Variants in BTBD9 observed in about 807,000 individuals in gnomAD.
The protein encoded by BTBD9 is BTB/POZ domain-containing protein 9.
In BTBD9, 49 loss-of-function variants were observed where a neutral mutation model predicts 64.3. The observed-to-expected ratio is 0.76, with a 90% CI of 0.61 to 0.97. The LOEUF is 0.97. Ranked by LOEUF, BTBD9 falls within the 50% of genes least tolerant of loss-of-function variation. The probability of loss-of-function intolerance (pLI) is 0.00; values close to 1 mark genes in which losing one functional copy is unlikely to be tolerated. For synonymous variants in BTBD9, 260 were observed against 274.7 expected (o/e 0.95, Z 0.53); for missense variants, 598 against 762.1 (o/e 0.78, Z 2.53).
At chr6:38,566,199 T>C (rs1775507486) in intron 6 of BTBD9, 1 of 152,228 alleles carries the variant, frequency 6.6e-6, no homozygotes, top group South Asian at 2.1e-4. Context: ...CATGTTTGTG[T>C]ATGATTACAC....
intron 6 of BTBD9, among the ~76,000 whole-genome samples, chr6:38,551,246 G>C (rs189712034): frequency 6.6e-6 from 1 of 152,302 alleles, no homozygotes; most frequent in East Asian, 1.9e-4. Flanking sequence ...TATTCAGACT[G>C]GTCTGGGAAT....
At chr6:38,374,282 A>ATATATATATATATATGT (rs1562095014) in intron 6 of BTBD9, among the ~76,000 whole-genome samples, 2 of 34,550 alleles carry the variant, frequency 5.8e-5, no homozygotes, top group East Asian at 5.1e-3. Flanking sequence ...AAAAAAAAAA[A>ATATATATATATATATGT]GTATATATAT....
At chr6:38,273,159 G>A (rs529264102) in intron 8 of BTBD9, among the ~76,000 whole-genome samples, 2 of 152,302 alleles carry the variant, frequency 1.3e-5, no homozygotes, top group African/African-American at 4.8e-5. Context: ...CAAGCCAGGA[G>A]GCCTTCTCTG....
intron 6 of BTBD9, among the ~76,000 whole-genome samples, chr6:38,533,359 T>G (rs1263976192): frequency 6.6e-6 from 1 of 152,080 alleles, no homozygotes; most frequent in Non-Finnish European, 1.5e-5. Flanking sequence ...AGTAAGAGGG[T>G]ATAACAATTA....
Position 38,520,158 on chromosome 6 carries a change from T to C in BTBD9, c.1154+57442A>G, listed in dbSNP as rs1773216134. 3.3e-5 allele frequency among the ~76,000 whole-genome samples: 5 copies of C among 150,510 alleles called. No homozygotes were observed. The South Asian group carries it at 1.1e-3, about 32-fold the overall frequency. ...ACAGAAAAAAAAAATCACATGAAAA[T>C]ACACAAAATTGTCGGCCAGGCACAG... On this transcript the variant is annotated intron_variant, in intron 6 of 10. Coordinates refer to ENST00000481247, the MANE Select transcript of BTBD9 (RefSeq NM_001099272.2).
intron 6 of BTBD9, among the ~76,000 whole-genome samples, chr6:38,346,951 C>A (rs969800266): frequency 1.3e-5 from 2 of 152,160 alleles, no homozygotes; most frequent in African/African-American, 2.4e-5. Context: ...AAAGGAGAGA[C>A]AGCTCTCCTA....
chr6:38,488,273 A>G (rs981372597), intron 6 of BTBD9, among the ~76,000 whole-genome samples: 2 of 152,096 alleles, frequency 1.3e-5, no homozygotes, highest in South Asian at 2.1e-4. Context: ...TTTTTTTTTA[A>G]TATCAACAAC....
chr6:38,559,312 C>T (rs1343557880), intron 6 of BTBD9, among the ~76,000 whole-genome samples: 2 of 151,814 alleles, frequency 1.3e-5, no homozygotes, highest in Non-Finnish European at 2.9e-5. Context: ...GAATGCAATC[C>T]CATTTACAAT....
rs573353457 is a variant in BTBD9 at position 38,325,141 on chromosome 6, T to G, written c.1264+19843A>C. Among the ~76,000 whole-genome samples the G allele has an allele frequency of 1.1e-3, 168 of 152,228 alleles. 1 individual carries two copies. The highest frequency in any genetic ancestry group is 3.8e-3 in the African/African-American group (158 of 41,552). The stretch of plus-strand genomic sequence containing the variant: ...CTGGGTGAGAAAGTATAAAAAAGAA[T>G]AAGATCTATAACATAAAAACATTTC... On this transcript the variant is annotated intron_variant, in intron 7 of 10. Coordinates refer to ENST00000481247, the MANE Select transcript of BTBD9 (RefSeq NM_001099272.2).
intron 6 of BTBD9, among the ~76,000 whole-genome samples, chr6:38,556,506 A>AGTGTGT (rs140373285): frequency 4.9e-4 from 67 of 137,852 alleles, no homozygotes; most frequent in Admixed American, 1.6e-3. Context: ...TGTCCTATAA[A>AGTGTGT]GTGTGTGTGT....
chr6:38,366,370 G>A (rs145160427), intron 6 of BTBD9, among the ~76,000 whole-genome samples: 97 of 152,192 alleles, frequency 6.4e-4, no homozygotes, highest in African/African-American at 2.3e-3. Context: ...CTTGTCTATA[G>A]ATTAATTCTG....
intron 1 of BTBD9, among the ~76,000 whole-genome samples, chr6:38,604,404 T>C (rs1316997285): frequency 6.6e-6 from 1 of 152,240 alleles, no homozygotes; most frequent in Non-Finnish European, 1.5e-5. Context: ...ACATTGATTC[T>C]CCACTTCTTT....
chr6:38,332,065 G>A (rs1330868785), intron 7 of BTBD9, among the ~76,000 whole-genome samples: 2 of 152,066 alleles, frequency 1.3e-5, no homozygotes, highest in East Asian at 1.9e-4. Context: ...GGACTATTAC[G>A]TTTTTCTTTC....
chr6:38,214,888 C>T (rs1305864514), intron 9 of BTBD9, among the ~76,000 whole-genome samples: 2 of 152,232 alleles, frequency 1.3e-5, no homozygotes, highest in Admixed American at 6.5e-5. Context: ...ATTCACCGTA[C>T]CAGTCCCCTG....
At chr6:38,613,629 T>TA (rs955262278) in intron 1 of BTBD9, among the ~76,000 whole-genome samples, 107 of 150,108 alleles carry the variant, frequency 7.1e-4, no homozygotes, top group East Asian at 6.4e-3. Context: ...TTATCTTTTT[T>TA]AAAAAAAAAA....
At chr6:38,484,383 T>C (rs1448749340) in intron 6 of BTBD9, among the ~76,000 whole-genome samples, 3 of 152,242 alleles carry the variant, frequency 2.0e-5, no homozygotes, top group African/African-American at 7.2e-5. Flanking sequence ...GGGTTAGATT[T>C]ATAAAAACAC....
At chr6:38,255,174 T>C (rs1764533512) in intron 9 of BTBD9, among the ~76,000 whole-genome samples, 1 of 152,226 alleles carries the variant, frequency 6.6e-6, no homozygotes, top group African/African-American at 2.4e-5. Flanking sequence ...TCACATACTA[T>C]ATGATTCCAT....
chr6:38,602,100 G>A (rs1582702638), intron 1 of BTBD9, among the ~76,000 whole-genome samples: 1 of 152,092 alleles, frequency 6.6e-6, no homozygotes, highest in East Asian at 1.9e-4. Flanking sequence ...AACTTACCAT[G>A]GGTTTATCAG....
chr6:38,309,286 C>A (rs1000974703), intron 7 of BTBD9, among the ~76,000 whole-genome samples: 1 of 151,128 alleles, frequency 6.6e-6, no homozygotes, highest in African/African-American at 2.4e-5. Context: ...AGGAGAATTG[C>A]TTAACCCAGG....
Sources: allele counts gnomAD v4.1 joint callset (sites outside exome capture counted in the v4.1 genomes callset), GRCh38; gene constraint gnomAD v4.1.1; transcripts MANE v1.5; gene names NCBI Gene and HGNC (gene_info 2026-07-23, HGNC 2026-07-21).